AFP: variants seen among roughly 807,000 people sequenced by gnomAD.
AFP encodes alpha fetoprotein.
In AFP, 64 loss-of-function variants were observed where a neutral mutation model predicts 78.9. The ratio of observed to expected loss-of-function variants is 0.81; its 90% CI spans 0.66 to 1.00. The LOEUF (loss-of-function observed/expected upper bound fraction) is 1.00, where lower values mean the gene tolerates loss of function less well. Among genes scored for constraint, AFP ranks in the 50% least tolerant of loss-of-function variants. AFP has a pLI of 0.00. For missense variants in AFP, 689 were observed against 703.8 expected (o/e 0.98, Z 0.24); for synonymous variants, 254 against 243.8 (o/e 1.04, Z -0.39).
At chr4:73,445,764 C>T (rs929388093) in intron 7 of AFP, among the ~76,000 whole-genome samples, 138 of 152,232 alleles carry the variant, frequency 9.1e-4, no homozygotes, top group African/African-American at 3.2e-3. Flanking sequence ...AAAGTGGTCT[C>T]GGAGAATTAG....
At chr4:73,441,605 T>C (rs1357297441) in intron 4 of AFP, among the ~76,000 whole-genome samples, 1 of 149,540 alleles carries the variant, frequency 6.7e-6, no homozygotes, top group Admixed American at 6.7e-5. Context: ...TGGAAACATG[T>C]CTGCTTGCAC....
chr4:73,448,620 C>T (rs908540750), intron 8 of AFP, among the ~76,000 whole-genome samples: 8 of 152,226 alleles, frequency 5.3e-5, no homozygotes, highest in East Asian at 3.9e-4. Flanking sequence ...TCTGGGAATA[C>T]GGTTAGTAAA....
At chr4:73,442,670 AAGAC>A (rs530460224) in intron 5 of AFP, among the ~76,000 whole-genome samples, 17 of 152,170 alleles carry the variant, frequency 1.1e-4, no homozygotes, top group South Asian at 4.1e-4. Flanking sequence ...TAAAGAAGGA[AAGAC>A]AGACAGACAG....
chr4:73,443,155 C>CATAT (rs1719719052), intron 5 of AFP, among the ~76,000 whole-genome samples, 192 bp from the exon 6 acceptor site: 1 of 152,010 alleles, frequency 6.6e-6, no homozygotes, highest in Admixed American at 6.6e-5. Flanking sequence ...GGCACAGATG[C>CATAT]ATATAAACTA....
Position 73,449,486 on chromosome 4 carries a change from T to A in AFP, c.1191+19T>A, listed in dbSNP as rs775486922. 7.4e-6 allele frequency: 12 copies of A among 1,613,116 alleles called. No individual in the cohort carries two copies. The highest frequency in any genetic ancestry group is 2.2e-5 in the East Asian group (1 of 44,758). On this transcript the variant is annotated intron_variant, in intron 9 of 14. Coordinates refer to ENST00000395792, the MANE Select transcript of AFP (RefSeq NM_001134.3). Reference sequence around the variant, plus strand: ...TAAAGGAGTAAGTTGCTCTAGAATTTTAGGGGAGTATGAAAAACTGGATTG... The same window carrying A: ...TAAAGGAGTAAGTTGCTCTAGAATTATAGGGGAGTATGAAAAACTGGATTG...
intron 3 of AFP, 60 bp from the exon 4 acceptor site, chr4:73,440,542 C>G (rs1719627314): frequency 7.4e-7 from 1 of 1,354,670 alleles, no homozygotes. Flanking sequence ...TTTCATGTGT[C>G]TTATAGATTT....
chr4:73,438,748 G>A (rs1719581871), intron 3 of AFP, among the ~76,000 whole-genome samples: 1 of 152,076 alleles, frequency 6.6e-6, no homozygotes, highest in African/African-American at 2.4e-5. Context: ...TTATGACATA[G>A]GGGATAGATA....
chr4:73,453,932 C>G, intron 13 of AFP, 35 bp downstream of exon 13: 1 of 1,612,476 alleles, frequency 6.2e-7, no homozygotes, highest in South Asian at 1.1e-5. Flanking sequence ...AAAATACTTG[C>G]TATGGAATTT....
intron 7 of AFP, among the ~76,000 whole-genome samples, chr4:73,446,699 G>A (rs1321324015): frequency 6.7e-6 from 1 of 149,670 alleles, no homozygotes; most frequent in African/African-American, 2.5e-5. Context: ...GGAGCAGAAA[G>A]TTTGCTCTCC....
rs758717686 is a variant in AFP at position 73,447,594 on chromosome 4, C to T, written c.976C>T (p.Leu326=). The change falls in exon 8 of 15, where the codon CTA becomes TTA. Residue 326 remains leucine (L), a synonymous_variant. Coordinates refer to ENST00000395792, the MANE Select transcript of AFP (RefSeq NM_001134.3). ...HAENDEKPEG[L]SPNLNRFLGD... is the part of the protein sequence containing the mutation. ...AGAAAATGATGAAAAACCTGAAGGT[C>T]TATCTCCAAATCTAAACAGGTTTTT... 3.1e-6 allele frequency: 5 copies of T among 1,612,162 alleles called. No homozygotes were observed. Among genetic ancestry groups the T allele is most frequent in the South Asian group, 1.1e-5 (1 of 90,976 alleles).
chr4:73,452,353 T>C, intron 11 of AFP, 48 bp from the exon 12 acceptor site: 4 of 1,521,918 alleles, frequency 2.6e-6, no homozygotes, highest in Non-Finnish European at 3.6e-6. Context: ...ACCAACTTTG[T>C]GACTAATGCC....
At chr4:73,441,566 T>TCA (rs1719667081) in intron 4 of AFP, among the ~76,000 whole-genome samples, 1 of 4,186 alleles carries the variant, frequency 2.4e-4, no homozygotes, top group African/African-American at 8.4e-4. Flanking sequence ...AGACTCCGTC[T>TCA]CAAAAAAAAA....
In AFP at chr4:73,442,369, G is replaced by A. The variant is rs992593763; in HGVS notation, c.556G>A (p.Asp186Asn). The A allele has an allele frequency of 6.2e-7, 1 of 1,613,916 alleles. No homozygotes were observed. The highest frequency in any genetic ancestry group is 8.5e-7 in the Non-Finnish European group (1 of 1,179,976). Residue 186 changes from aspartate to asparagine, a missense_variant, in exon 5 of 15, where the codon GAC becomes AAC. Physicochemically the swap from Asp to Asn is conservative, Grantham distance 23 (BLOSUM62 1). Transcript: ENST00000395792. ...PTILLWAARY[D>N]KIIPSCCKAE... ...AATTCTTCTTTGGGCTGCTCGCTAT[G>A]ACAAAATAATTCCATCTTGCTGCAA...
rs1348824952 is a variant in AFP, at chr4:73,447,595, T to C, written c.977T>C (p.Leu326Pro). Residue 326 changes from leucine (L) to proline (P), a missense_variant, in exon 8 of 15, where the codon CTA becomes CCA. Transcript: ENST00000395792. ...HAENDEKPEG[L>P]SPNLNRFLGD... ...GAAAATGATGAAAAACCTGAAGGTC[T>C]ATCTCCAAATCTAAACAGGTTTTTA... 2.5e-6 allele frequency: 4 copies of C among 1,612,350 alleles called. No homozygotes were observed. Among genetic ancestry groups the C allele is most frequent in the Middle Eastern group, 2.0e-4 (1 of 4,912 alleles).
chr4:73,437,817 T>A (rs1014335884), intron 2 of AFP, among the ~76,000 whole-genome samples: 3 of 151,966 alleles, frequency 2.0e-5, no homozygotes, highest in African/African-American at 7.2e-5. Context: ...GTCTGTCTAA[T>A]TACCAATTTT....
chr4:73,450,394 G>C (rs777503195), intron 10 of AFP, among the ~76,000 whole-genome samples: 1 of 152,174 alleles, frequency 6.6e-6, no homozygotes, highest in Non-Finnish European at 1.5e-5. Context: ...CTTCCTCCTG[G>C]AGTTTGCTTT....
At chr4:73,441,737 G>A (rs113405278) in intron 4 of AFP, among the ~76,000 whole-genome samples, 497 of 152,138 alleles carry the variant, frequency 3.3e-3, no homozygotes, top group Non-Finnish European at 5.1e-3. Flanking sequence ...AAAACAACTG[G>A]CTAAGGGCAC....
At chr4:73,446,595 GAT>G in intron 7 of AFP, among the ~76,000 whole-genome samples, 2 of 149,228 alleles carry the variant, frequency 1.3e-5, no homozygotes, top group African/African-American at 5.0e-5. Flanking sequence ...TTCTGATAAA[GAT>G]GATTATCATT....
intron 14 of AFP, 46 bp downstream of exon 14, chr4:73,455,336 G>T: frequency 7.0e-7 from 1 of 1,432,852 alleles, no homozygotes; most frequent in Non-Finnish European, 9.8e-7. Flanking sequence ...TGTTTCTCCA[G>T]AAATATCAAT....
Sources: allele counts gnomAD v4.1 joint callset (sites outside exome capture counted in the v4.1 genomes callset), GRCh38; gene constraint gnomAD v4.1.1; transcripts MANE v1.5; gene names NCBI Gene and HGNC (gene_info 2026-07-23, HGNC 2026-07-21).